The following NRG1 variants were observed in gnomAD, a reference collection of about 807,000 sequenced individuals.
NRG1 encodes pro-neuregulin-1, membrane-bound isoform.
NRG1 carries 18 observed loss-of-function variants against 63.8 expected under a neutral mutation model. That is an observed-to-expected ratio of 0.28 (90% CI 0.19 to 0.42). The LOEUF (loss-of-function observed/expected upper bound fraction) is 0.42, where lower values mean the gene tolerates loss of function less well. Ranked by LOEUF, NRG1 falls within the 10% of genes least tolerant of loss-of-function variation. The probability of loss-of-function intolerance (pLI) is 1.00; values close to 1 mark genes in which losing one functional copy is unlikely to be tolerated. For missense variants in NRG1, 762 were observed against 814.7 expected (o/e 0.94, Z 0.79); for synonymous variants, 302 against 301.3 (o/e 1.00, Z -0.02).
At chr8:32,344,374 C>CTTTCTTTCTTTCTT (rs1804517166) in intron 1 of NRG1, among the ~76,000 whole-genome samples, 1 of 96,848 alleles carries the variant, frequency 1.0e-5, no homozygotes, top group African/African-American at 3.8e-5. Context: ...TTCTTTCTTT[C>CTTTCTTTCTTTCTT]TTTCTTTCTC....
intron 1 of NRG1, among the ~76,000 whole-genome samples, chr8:31,731,869 A>G (rs1438122001): frequency 6.6e-6 from 1 of 152,202 alleles, no homozygotes; most frequent in East Asian, 1.9e-4. Flanking sequence ...CAAGACATCT[A>G]ATATGAGTCA....
intron 5 of NRG1, among the ~76,000 whole-genome samples, chr8:32,627,855 G>A (rs1213363107): frequency 6.6e-6 from 1 of 152,110 alleles, no homozygotes; most frequent in Non-Finnish European, 1.5e-5. Context: ...GTGACTAACT[G>A]ACAAGAAGCT....
At chr8:32,322,105 C>T (rs973479778) in intron 1 of NRG1, among the ~76,000 whole-genome samples, 2 of 151,690 alleles carry the variant, frequency 1.3e-5, no homozygotes, top group Non-Finnish European at 2.9e-5. Flanking sequence ...TTGAGCCTGG[C>T]GGTTCCAGTC....
At chr8:31,872,446 C>G (rs576619798) in intron 1 of NRG1, among the ~76,000 whole-genome samples, 1 of 152,154 alleles carries the variant, frequency 6.6e-6, no homozygotes, top group African/African-American at 2.4e-5. Context: ...AAGAGTAGGT[C>G]CAGAATAAAT....
chr8:32,705,664 C>T (rs185944013), intron 5 of NRG1, among the ~76,000 whole-genome samples: 1 of 152,208 alleles, frequency 6.6e-6, no homozygotes, highest in Admixed American at 6.5e-5. Flanking sequence ...TTAGATGTAG[C>T]ACTTTGTGAT....
At chr8:32,311,579 A>G (rs1011615950) in intron 1 of NRG1, among the ~76,000 whole-genome samples, 49 of 152,198 alleles carry the variant, frequency 3.2e-4, no homozygotes, top group African/African-American at 1.2e-3. Context: ...CACTTAGAAA[A>G]TATAGGGCCT....
At chr8:32,043,579 A>T (rs1350684840) in intron 1 of NRG1, among the ~76,000 whole-genome samples, 1 of 151,982 alleles carries the variant, frequency 6.6e-6, no homozygotes, top group Non-Finnish European at 1.5e-5. Flanking sequence ...AACACTTGAG[A>T]GTCAAAAGCA....
rs1180854178 is a variant in NRG1 at position 32,113,410 on chromosome 8, C to T, written c.37+473979C>T. Among the ~76,000 whole-genome samples the T allele has an allele frequency of 2.0e-5, 3 of 152,140 alleles. No individual in the cohort carries two copies. In the East Asian group the frequency reaches 5.8e-4, roughly 29 times the overall value. ...TTCTGGGGTCCCACCTTTCCTGATC[C>T]CACTCACTGCTAGTCAGTTCTCTGC... is the stretch of plus-strand genomic sequence containing the variant. On this transcript the variant is annotated intron_variant, in intron 1 of 10. Coordinates refer to the NRG1 transcript ENST00000519301.
At chr8:32,050,507 G>C (rs1821808384) in intron 1 of NRG1, among the ~76,000 whole-genome samples, 1 of 152,108 alleles carries the variant, frequency 6.6e-6, no homozygotes, top group East Asian at 1.9e-4. Flanking sequence ...TGGTTAGAAA[G>C]TCTTTAGCAG....
chr8:31,652,154 G>T (rs1055465988), intron 1 of NRG1, among the ~76,000 whole-genome samples: 6 of 152,036 alleles, frequency 3.9e-5, no homozygotes, highest in African/African-American at 7.3e-5. Context: ...TCACCATATG[G>T]CAGCATTAAT....
intron 1 of NRG1, among the ~76,000 whole-genome samples, chr8:31,966,809 T>C (rs1459386438): frequency 6.6e-6 from 1 of 151,698 alleles, no homozygotes; most frequent in Non-Finnish European, 1.5e-5. Context: ...AGAAGGTTGA[T>C]AAAATATTTG....
intron 1 of NRG1, among the ~76,000 whole-genome samples, chr8:31,902,767 G>T (rs1456313551): frequency 6.6e-6 from 1 of 152,118 alleles, no homozygotes. Flanking sequence ...CCTAATTTAT[G>T]TTGTGGCAGA....
intron 1 of NRG1, among the ~76,000 whole-genome samples, chr8:32,251,628 G>T (rs71562318): frequency 6.6e-6 from 1 of 152,126 alleles, no homozygotes; most frequent in Non-Finnish European, 1.5e-5. Flanking sequence ...TTGAGGAATC[G>T]CCGCACTGTC....
chr8:32,598,180 A>G (rs1380606582), intron 2 of NRG1, among the ~76,000 whole-genome samples: 1 of 152,084 alleles, frequency 6.6e-6, no homozygotes, highest in Non-Finnish European at 1.5e-5. Context: ...GAGATTATCT[A>G]GTTCAGTCTT....
chr8:31,857,536 C>T lies in NRG1; in HGVS notation c.37+218105C>T, dbSNP rs181818209. Among the ~76,000 whole-genome samples the T allele has an allele frequency of 2.0e-4, 31 of 152,304 alleles. No homozygotes were observed. The East Asian group carries it at 5.6e-3, about 28-fold the overall frequency. On this transcript the variant is annotated intron_variant, in intron 1 of 10. Coordinates refer to the NRG1 transcript ENST00000519301. ...CTGGCACTCCCTAGTGAGATGAACCCGGTACCTCAGATGGAAATGCAGAAA... is the reference window on the plus strand; with the variant it reads ...CTGGCACTCCCTAGTGAGATGAACCTGGTACCTCAGATGGAAATGCAGAAA...
chr8:32,408,558 T>C (rs914029286), intron 1 of NRG1, among the ~76,000 whole-genome samples: 3 of 151,822 alleles, frequency 2.0e-5, no homozygotes, highest in Non-Finnish European at 4.4e-5. Context: ...CTTGGTCTGG[T>C]GGCTACTGCA....
intron 1 of NRG1, among the ~76,000 whole-genome samples, chr8:32,336,380 C>G (rs1031200699): frequency 4.6e-5 from 7 of 152,038 alleles, no homozygotes; most frequent in African/African-American, 1.7e-4. Flanking sequence ...CAGGGGATTC[C>G]CTAGTGAGGT....
intron 1 of NRG1, among the ~76,000 whole-genome samples, chr8:31,930,597 G>A (rs946020099): frequency 6.6e-6 from 1 of 152,150 alleles, no homozygotes; most frequent in Admixed American, 6.5e-5. Flanking sequence ...ATTAGTGTCT[G>A]GGATCGGTGG....
At chr8:31,971,905 C>T (rs1807345771) in intron 1 of NRG1, among the ~76,000 whole-genome samples, 1 of 152,144 alleles carries the variant, frequency 6.6e-6, no homozygotes. Context: ...GCTGGCTTAA[C>T]TCGAAGCCCA....
Sources: allele counts gnomAD v4.1 joint callset (sites outside exome capture counted in the v4.1 genomes callset), GRCh38; gene constraint gnomAD v4.1.1; transcripts MANE v1.5; gene names NCBI Gene and HGNC (gene_info 2026-07-23, HGNC 2026-07-21).